The following PCDH15 variants were observed in gnomAD, a reference collection of about 807,000 sequenced individuals.
PCDH15 encodes the protein protocadherin related 15, also known as protocadherin-15.
PCDH15 carries 129 observed loss-of-function variants against 178.5 expected under a neutral mutation model. The ratio of observed to expected loss-of-function variants is 0.72; its 90% CI spans 0.63 to 0.84. PCDH15 has a LOEUF of 0.84. PCDH15 is among the 40% of genes least tolerant of loss of function. The pLI, the probability that PCDH15 is intolerant of heterozygous loss-of-function variation, is 0.00. For missense variants in PCDH15, 2,230 were observed against 2,099.9 expected (o/e 1.06, Z -1.21); for synonymous variants, 800 against 732.0 (o/e 1.09, Z -1.50).
chr10:54,573,548 A>G (rs894543066), intron 2 of PCDH15, among the ~76,000 whole-genome samples: 1 of 152,162 alleles, frequency 6.6e-6, no homozygotes, highest in Non-Finnish European at 1.5e-5. Context: ...TTCTTTAGGC[A>G]TTTTCCCAAA....
chr10:55,294,466 G>A (rs1176933654), intron 1 of PCDH15, among the ~76,000 whole-genome samples: 2 of 152,202 alleles, frequency 1.3e-5, no homozygotes, highest in Non-Finnish European at 2.9e-5. Flanking sequence ...ATCCCAGGGA[G>A]ATGTTCTGAA....
At chr10:54,851,647 T>C (rs1457831822) in intron 3 of PCDH15, among the ~76,000 whole-genome samples, 1 of 152,144 alleles carries the variant, frequency 6.6e-6, no homozygotes. Flanking sequence ...CAGGCTGGAG[T>C]GCAGTGGCAT....
chr10:55,092,616 A>C (rs1842344260), intron 2 of PCDH15, among the ~76,000 whole-genome samples: 1 of 151,918 alleles, frequency 6.6e-6, no homozygotes, highest in Non-Finnish European at 1.5e-5. Context: ...AAAATGGCTC[A>C]ATATGGTCTT....
chr10:54,473,209 C>T (rs762477743), intron 3 of PCDH15, among the ~76,000 whole-genome samples: 9 of 152,066 alleles, frequency 5.9e-5, no homozygotes, highest in Admixed American at 2.0e-4. Context: ...TTGCCAGATA[C>T]GAGTCAAAAA....
intron 14 of PCDH15, among the ~76,000 whole-genome samples, chr10:54,151,151 A>G (rs1215008409): frequency 1.3e-5 from 2 of 152,230 alleles, no homozygotes; most frequent in Admixed American, 1.3e-4. Context: ...TTAAAACCAT[A>G]GACCAATCTA....
intron 2 of PCDH15, among the ~76,000 whole-genome samples, chr10:55,528,803 C>T (rs1476753875): frequency 6.6e-6 from 1 of 152,116 alleles, no homozygotes; most frequent in Non-Finnish European, 1.5e-5. Flanking sequence ...AATCGCCACA[C>T]TGACTTCCAC....
intron 2 of PCDH15, among the ~76,000 whole-genome samples, chr10:55,624,038 A>G (rs1353617904): frequency 6.6e-6 from 1 of 150,748 alleles, no homozygotes; most frequent in African/African-American, 2.5e-5. Context: ...TTACATAGAA[A>G]TTGATTGTGT....
intron 1 of PCDH15, among the ~76,000 whole-genome samples, chr10:54,758,658 A>C (rs1947478108): frequency 6.6e-6 from 1 of 152,184 alleles, no homozygotes; most frequent in Admixed American, 6.6e-5. Flanking sequence ...GATCAATGAG[A>C]GTACTTGAAT....
At chr10:53,888,304 A>ATACATATATATATATG (rs1554845194) in intron 26 of PCDH15, among the ~76,000 whole-genome samples, 9 of 88,954 alleles carry the variant, frequency 1.0e-4, no homozygotes, top group African/African-American at 5.2e-4. Flanking sequence ...ATATATATAT[A>ATACATATATATATATG]TATATGTATA....
intron 1 of PCDH15, among the ~76,000 whole-genome samples, chr10:55,278,823 A>G (rs1842658391): frequency 6.6e-6 from 1 of 152,118 alleles, no homozygotes; most frequent in African/African-American, 2.4e-5. Context: ...TTCATTTACA[A>G]TTTCTCAGAC....
At chr10:54,116,946 G>A (rs1490617781) in intron 15 of PCDH15, among the ~76,000 whole-genome samples, 1 of 152,088 alleles carries the variant, frequency 6.6e-6, no homozygotes, top group Non-Finnish European at 1.5e-5. Context: ...GAAAGAAATG[G>A]TTTATACAGA....
intron 3 of PCDH15, among the ~76,000 whole-genome samples, chr10:54,440,638 T>C (rs898917296): frequency 2.6e-5 from 4 of 151,948 alleles, no homozygotes; most frequent in Non-Finnish European, 5.9e-5. Flanking sequence ...AAAATTATTT[T>C]ATATAGGTTG....
chr10:53,851,440 C>T (rs536379580), intron 28 of PCDH15, among the ~76,000 whole-genome samples: 3 of 151,306 alleles, frequency 2.0e-5, no homozygotes, highest in South Asian at 4.2e-4. Flanking sequence ...ACTAATAAAT[C>T]CCCAGCTCTA....
intron 2 of PCDH15, among the ~76,000 whole-genome samples, chr10:55,516,406 C>T (rs113470742): frequency 6.6e-6 from 1 of 152,228 alleles, no homozygotes; most frequent in South Asian, 2.1e-4. Context: ...TACCCAGTCT[C>T]GAGCATGTCT....
intron 1 of PCDH15, among the ~76,000 whole-genome samples, chr10:55,209,743 G>GT (rs1299428225): frequency 1.3e-5 from 2 of 152,048 alleles, no homozygotes; most frequent in South Asian, 2.1e-4. Context: ...TATAAATTAT[G>GT]TTTTTTAAAT....
chr10:55,516,778 C>A (rs942164699), intron 2 of PCDH15, among the ~76,000 whole-genome samples: 1 of 151,962 alleles, frequency 6.6e-6, no homozygotes. Context: ...GCAAGTTAAG[C>A]CAAAATTTAA....
chr10:54,159,302 T>TG (rs1357528268), intron 13 of PCDH15, among the ~76,000 whole-genome samples: 53 of 152,108 alleles, frequency 3.5e-4, no homozygotes, highest in African/African-American at 1.2e-3. Flanking sequence ...CTAGAACTAC[T>TG]GTAAAAGAGT....
At chr10:54,790,241 CAGA>C (rs1175907573) in intron 1 of PCDH15, among the ~76,000 whole-genome samples, 4 of 151,796 alleles carry the variant, frequency 2.6e-5, no homozygotes, top group African/African-American at 7.2e-5. Context: ...TGCTCATACA[CAGA>C]AGATTTCCAA....
At chr10:55,224,644 C>T (rs1003019400) in intron 1 of PCDH15, among the ~76,000 whole-genome samples, 1 of 152,036 alleles carries the variant, frequency 6.6e-6, no homozygotes, top group African/African-American at 2.4e-5. Flanking sequence ...CATAGCACAC[C>T]ACCTTCCATG....
Sources: gnomAD v4.1 joint callset for allele counts (sites outside exome capture counted in the v4.1 genomes callset) on GRCh38, gnomAD v4.1.1 for gene constraint, MANE v1.5 for transcripts, NCBI Gene and HGNC (gene_info 2026-07-23, HGNC 2026-07-21) for gene names.